MZT2A: variants seen among roughly 807,000 people sequenced by gnomAD.
The protein encoded by MZT2A is mitotic spindle organizing protein 2A.
A neutral mutation model predicts 12.4 loss-of-function variants in MZT2A; 8 were observed. The ratio of observed to expected loss-of-function variants is 0.64; its 90% CI spans 0.38 to 1.16. The LOEUF (loss-of-function observed/expected upper bound fraction) is 1.16, where lower values mean the gene tolerates loss of function less well. Among genes scored for constraint, MZT2A ranks in the 50% most tolerant of loss-of-function variants. The pLI is 0.01. For synonymous variants in MZT2A, 88 were observed against 107.5 expected (o/e 0.82, Z 1.12); for missense variants, 181 against 223.6 (o/e 0.81, Z 1.22).
chr2:131,478,294 G>A, intron 2 of MZT2A: 1 of 1,614,018 alleles, frequency 6.2e-7, no homozygotes, highest in Non-Finnish European at 8.5e-7. Flanking sequence ...ATTGGTGGCG[G>A]GGACGACTCC....
intron 2 of MZT2A, chr2:131,486,495 T>C (rs1346972993): frequency 4.6e-5 from 7 of 153,130 alleles, no homozygotes; most frequent in Admixed American, 1.3e-4. Flanking sequence ...TGACTCAGAG[T>C]CGGCTTCCCT....
At chr2:131,475,869 G>T (rs1489314232) in intron 2 of MZT2A, among the ~76,000 whole-genome samples, 1 of 152,210 alleles carries the variant, frequency 6.6e-6, no homozygotes, top group Non-Finnish European at 1.5e-5. Context: ...GCGACCCACA[G>T]AGGCAGCGCA....
chr2:131,472,871 G>A (rs1678495427), intron 2 of MZT2A, among the ~76,000 whole-genome samples: 1 of 151,948 alleles, frequency 6.6e-6, no homozygotes, highest in Admixed American at 6.5e-5. Context: ...TGCATGATGT[G>A]GTTGGAGCCT....
At chr2:131,490,382 G>T in intron 2 of MZT2A, 1 of 1,139,612 alleles carries the variant, frequency 8.8e-7, no homozygotes, top group Non-Finnish European at 1.1e-6. Flanking sequence ...GTCACGCCTG[G>T]GGCTGTGCTC....
At chr2:131,483,092 CA>C (rs1281375283), downstream of MZT2A, among the ~76,000 whole-genome samples, 1 of 152,072 alleles carries the variant, frequency 6.6e-6, no homozygotes, top group East Asian at 1.9e-4. Flanking sequence ...GTAACCTGAC[CA>C]GGGGAAAATA....
At chr2:131,472,015 C>T (rs1704997665) in intron 3 of MZT2A, 18 of 1,271,532 alleles carry the variant, frequency 1.4e-5, no homozygotes, top group Middle Eastern at 2.1e-4. Context: ...CAGAATCTTA[C>T]AAAACTCTGC....
chr2:131,491,889 C>G lies in MZT2A; in HGVS notation c.306G>C (p.Val102=). Residue 102 remains valine, a synonymous_variant, in exon 2 of 3, where the codon GTG becomes GTC. Transcript: ENST00000309451. ...CCCAGCTCTGACCTCGGGTCTCGGG[C>G]ACGCTCGACGTGGGCAGAGACACGG... is the stretch of plus-strand genomic sequence containing the variant. ...PAAVSLPTSS[V]PETRGRDKGS... is the part of the protein sequence containing the mutation. The G allele has an allele frequency of 1.3e-6, 2 of 1,503,276 alleles. No homozygotes were observed. Among genetic ancestry groups the G allele is most frequent in the Non-Finnish European group, 1.8e-6 (2 of 1,122,432 alleles). The allele number at this position is 1,503,276 out of a possible 1,614,324, so 93.1% of individuals were successfully genotyped here. A position where few individuals can be genotyped will look rare whatever the true frequency, so the allele number is the denominator to read the frequency against.
chr2:131,489,762 C>A, intron 2 of MZT2A: 1 of 685,710 alleles, frequency 1.5e-6, no homozygotes, highest in Non-Finnish European at 1.8e-6. Context: ...ATCCACCTGC[C>A]TTGACTTCCC....
upstream of MZT2A, chr2:131,492,458 G>A (rs529825008): frequency 5.9e-4 from 691 of 1,175,046 alleles, no homozygotes; most frequent in East Asian, 3.5e-3. Flanking sequence ...TGCAGCGCCA[G>A]CGTCTGGCCT....
At chr2:131,484,793 C>T (rs973552757) in intron 2 of MZT2A, among the ~76,000 whole-genome samples, 7 of 152,204 alleles carry the variant, frequency 4.6e-5, no homozygotes, top group African/African-American at 9.6e-5. Flanking sequence ...CTCTTGCTTT[C>T]GGGTTTAGCT....
chr2:131,476,681 C>T (rs1678684117), intron 2 of MZT2A, among the ~76,000 whole-genome samples: 1 of 152,260 alleles, frequency 6.6e-6, no homozygotes, highest in African/African-American at 2.4e-5. Flanking sequence ...CGCCTGGAAT[C>T]CCAGCCCTTG....
At chr2:131,476,222 C>G in intron 2 of MZT2A, 1 of 1,613,914 alleles carries the variant, frequency 6.2e-7, no homozygotes, top group South Asian at 1.1e-5. Context: ...GGGTCACTCC[C>G]GCCCCGCAGA....
chr2:131,482,570 C>T, downstream of MZT2A: 1 of 1,608,224 alleles, frequency 6.2e-7, no homozygotes, highest in East Asian at 2.2e-5. Flanking sequence ...TAACTACCAG[C>T]CCCCCACAGT....
intron 2 of MZT2A, chr2:131,490,160 C>A: frequency 1.4e-6 from 1 of 700,124 alleles, no homozygotes; most frequent in East Asian, 1.3e-4. Flanking sequence ...TGGGCTCTCA[C>A]AGGCCCCTGA....
At chr2:131,485,243 C>G (rs1019022420) in intron 2 of MZT2A, among the ~76,000 whole-genome samples, 2 of 152,236 alleles carry the variant, frequency 1.3e-5, no homozygotes, top group African/African-American at 2.4e-5. Context: ...TTTGTCCTGA[C>G]TGAGGGAGTG....
At chr2:131,477,279 C>T (rs1452402283) in intron 2 of MZT2A, among the ~76,000 whole-genome samples, 1 of 152,030 alleles carries the variant, frequency 6.6e-6, no homozygotes, top group African/African-American at 2.4e-5. Flanking sequence ...AAGTGATCCT[C>T]TCACCTCAGC....
downstream of MZT2A, among the ~76,000 whole-genome samples, chr2:131,483,733 C>CA (rs763033005): frequency 9.0e-4 from 127 of 141,512 alleles, no homozygotes; most frequent in East Asian, 3.9e-4. Flanking sequence ...AACAAACAAA[C>CA]AAACAAAAAA....
At chr2:131,480,320 C>T (rs759692672), downstream of MZT2A, 2 of 1,613,108 alleles carry the variant, frequency 1.2e-6, no homozygotes, top group Non-Finnish European at 1.7e-6. Flanking sequence ...ATGAAGCCAT[C>T]TATGACATAT....
In MZT2A at chr2:131,491,865, C is replaced by G. The variant is rs1295263009; in HGVS notation, c.319+11G>C. The stretch of plus-strand genomic sequence containing the variant: ...CGCCACTGGGGCAGGGACAGCGGGC[C>G]CAGCTCTGACCTCGGGTCTCGGGCA... On this transcript the variant is annotated intron_variant, in intron 2 of 2. Transcript: ENST00000309451. The G allele has an allele frequency of 2.4e-5, 35 of 1,463,270 alleles. No homozygotes were observed. Among genetic ancestry groups the G allele is most frequent in the Admixed American group, 8.6e-5 (4 of 46,752 alleles). 90.6% of individuals were successfully genotyped at this position (1,463,270 alleles called of 1,614,324 possible). A position where few individuals can be genotyped will look rare whatever the true frequency, so the allele number is the denominator to read the frequency against.
Sources: gnomAD v4.1 joint callset for allele counts (sites outside exome capture counted in the v4.1 genomes callset) on GRCh38, gnomAD v4.1.1 for gene constraint, MANE v1.5 for transcripts, NCBI Gene and HGNC (gene_info 2026-07-23, HGNC 2026-07-21) for gene names.